Variants in SLC7A4 observed in about 807,000 individuals in gnomAD.
SLC7A4 encodes cationic amino acid transporter 4.
A neutral mutation model predicts 37.8 loss-of-function variants in SLC7A4; 30 were observed. The observed-to-expected ratio is 0.79, with a 90% CI of 0.59 to 1.08. The LOEUF is 1.08. SLC7A4 is among the 50% of genes least tolerant of loss of function. The pLI is 0.00. For missense variants in SLC7A4, 839 were observed against 843.2 expected (o/e 1.00, Z 0.06); for synonymous variants, 359 against 376.5 (o/e 0.95, Z 0.54).
chr22:21,030,368 G>C lies in SLC7A4; in HGVS notation c.983-17C>G, dbSNP rs1242504595. The C allele has an allele frequency of 6.3e-7, 1 of 1,583,862 alleles. No homozygotes were observed. Among genetic ancestry groups the C allele is most frequent in the South Asian group, 1.2e-5 (1 of 86,816 alleles). The stretch of plus-strand genomic sequence containing the variant: ...TGTTCATGGCTGTAGCAGAGAGAGT[G>C]GGGAGGGTCAGCATGGCGGAGAAGC... On this transcript the variant is annotated splice_polypyrimidine_tract_variant and intron_variant, in intron 2 of 4. Coordinates refer to ENST00000382932, the MANE Select transcript of SLC7A4 (RefSeq NM_004173.3).
At chr22:21,032,002 G>T (rs866488628) in intron 1 of SLC7A4, 150 bp from the exon 2 acceptor site, 2 of 478,136 alleles carry the variant, frequency 4.2e-6, no homozygotes, top group African/African-American at 2.0e-5. Context: ...AGCTGGAATG[G>T]GGCAGGTGTC....
rs750389725 is a variant in SLC7A4 at position 21,031,644 on chromosome 22, C to T, written c.169G>A (p.Val57Met). The part of the protein sequence containing the change: ...VGGMVGSGLY[V>M]LTGAVAKEVA... The stretch of plus-strand genomic sequence containing the variant: ...TCCTTGGCCACGGCACCTGTGAGCA[C>T]GTAGAGACCCGAGCCCACCATGCCA... Residue 57 changes from valine to methionine, a missense_variant, in exon 2 of 5, where the codon GTG (valine) becomes ATG (methionine). By Grantham distance (21) the Val-to-Met change is conservative. Transcript: ENST00000382932. 16 of 1,612,008 alleles carry T rather than the reference C, an allele frequency of 9.9e-6. No homozygotes were observed. The highest frequency in any genetic ancestry group is 2.2e-5 in the South Asian group (2 of 90,942).
intron 1 of SLC7A4, among the ~76,000 whole-genome samples, 166 bp from the exon 2 acceptor site, chr22:21,032,018 C>T (rs1928904429): frequency 6.6e-6 from 1 of 152,208 alleles, no homozygotes; most frequent in Non-Finnish European, 1.5e-5. Context: ...GTGTCAGAAC[C>T]TGTGGGCAGG....
Position 21,029,968 on chromosome 22 carries a change from C to T in SLC7A4, c.1366G>A (p.Gly456Arg). The T allele has an allele frequency of 6.2e-7, 1 of 1,613,890 alleles. No homozygotes were observed. Among genetic ancestry groups the T allele is most frequent in the Non-Finnish European group, 8.5e-7 (1 of 1,180,006 alleles). The part of the protein sequence containing the change: ...GTVHASVPEP[G>R]ELKPALRPYL... ...GGCCTCAGGGCTGGCTTCAGCTCCC[C>T]TGGCTCAGGGACGGAGGCGTGTACA... Residue 456 changes from glycine to arginine, a missense_variant, in exon 3 of 5, where the codon GGG becomes AGG. Gly to Arg is a moderately radical substitution (Grantham distance 125, BLOSUM62 -2). Coordinates refer to ENST00000382932, the MANE Select transcript of SLC7A4 (RefSeq NM_004173.3).
rs971536460 is a variant in SLC7A4 at position 21,029,222 on chromosome 22, C to G, written c.1741G>C (p.Val581Leu). The change falls in exon 5 of 5, where the codon GTG becomes CTG. Residue 581 changes from valine to leucine, a missense_variant. Val to Leu is a conservative substitution (Grantham distance 32). Coordinates refer to ENST00000382932, the MANE Select transcript of SLC7A4 (RefSeq NM_004173.3). ...TGCCGGATGCCATAGCCGAAATACACTGCAAGTCCTAGACAGGGCAGGAGG... is the reference window on the plus strand; with the variant it reads ...TGCCGGATGCCATAGCCGAAATACAGTGCAAGTCCTAGACAGGGCAGGAGG... ...FSIWLLMGLA[V>L]YFGYGIRHSK... 1.2e-6 allele frequency: 2 copies of G among 1,613,776 alleles called. No homozygotes were observed. Among genetic ancestry groups the G allele is most frequent in the African/African-American group, 2.7e-5 (2 of 75,072 alleles).
In SLC7A4 at chr22:21,031,649, A is replaced by C; in HGVS notation, c.164T>G (p.Leu55Arg). ...GGCCACGGCACCTGTGAGCACGTAG[A>C]GACCCGAGCCCACCATGCCACCCAC... ...LGVGGMVGSGLYVLTGAVAKE... is the reference protein window; with the variant it reads ...LGVGGMVGSGRYVLTGAVAKE... The change falls in exon 2 of 5, where the codon CTC becomes CGC. Residue 55 changes from leucine (L) to arginine (R), a missense_variant. Coordinates refer to ENST00000382932, the MANE Select transcript of SLC7A4 (RefSeq NM_004173.3). 2 of 1,612,712 alleles carry C rather than the reference A, an allele frequency of 1.2e-6. No individual in the cohort carries two copies. Among genetic ancestry groups the C allele is most frequent in the Non-Finnish European group, 1.7e-6 (2 of 1,179,460 alleles).
chr22:21,029,108 C>G lies in SLC7A4; in HGVS notation c.1855G>C (p.Ala619Pro). The G allele has an allele frequency of 6.2e-7, 1 of 1,613,106 alleles. No homozygotes were observed. The highest frequency in any genetic ancestry group is 8.5e-7 in the Non-Finnish European group (1 of 1,179,872). Residue 619 changes from alanine to proline, a missense_variant, in exon 5 of 5, where the codon GCT (alanine) becomes CCT (proline). Coordinates refer to ENST00000382932, the MANE Select transcript of SLC7A4 (RefSeq NM_004173.3). ...GGTGCCTGGCTGGGGGGCTGCATAG[C>G]CTGCACTGTCTCCTCCAGGCTGCCC... ...PRGSLEETVQ[A>P]MQPPSQAPAQ...
In SLC7A4 at chr22:21,029,855, G is replaced by A. The variant is rs758317941; in HGVS notation, c.1479C>T (p.Gly493=). 1 of 1,613,808 alleles carries A rather than the reference G, an allele frequency of 6.2e-7. No homozygotes were observed. Among genetic ancestry groups the A allele is most frequent in the Non-Finnish European group, 8.5e-7 (1 of 1,179,986 alleles). Residue 493 remains glycine (G), a synonymous_variant, in exon 3 of 5, where the codon GGC becomes GGT. Coordinates refer to ENST00000382932, the MANE Select transcript of SLC7A4 (RefSeq NM_004173.3). ...GVMLASAITI[G]CVLVFGNSTL... The stretch of plus-strand genomic sequence containing the variant: ...TCGAGTTCCCAAAGACAAGCACGCA[G>A]CCTATGGTGATGGCTGAGGCCAACA...
chr22:21,029,957 C>T lies in SLC7A4; in HGVS notation c.1377G>A (p.Lys459=). 2 of 1,613,950 alleles carry T rather than the reference C, an allele frequency of 1.2e-6. No homozygotes were observed. The highest frequency in any genetic ancestry group is 1.7e-6 in the Non-Finnish European group (2 of 1,180,010). ...AGCCCAGGTAGGGCCTCAGGGCTGG[C>T]TTCAGCTCCCCTGGCTCAGGGACGG... The part of the protein sequence containing the change: ...HASVPEPGEL[K]PALRPYLGFL... Residue 459 remains lysine (K), a synonymous_variant, in exon 3 of 5, where the codon AAG becomes AAA. Transcript: ENST00000382932.
At chr22:21,030,447 G>C in intron 2 of SLC7A4, 96 bp from the exon 3 acceptor site, 4 of 1,252,006 alleles carry the variant, frequency 3.2e-6, no homozygotes, top group Non-Finnish European at 4.4e-6. Context: ...TGGGAACAAG[G>C]GCATGAGCTT....
chr22:21,031,733 G>A lies in SLC7A4; in HGVS notation c.80C>T (p.Ser27Phe). ...KLNRLKPLED[S>F]TMETSLRRCL... ...GCGCCGCAGTGACGTCTCCATGGTG[G>A]AGTCCTCCAGCGGCTTCAGGCGGTT... is the stretch of plus-strand genomic sequence containing the variant. The change falls in exon 2 of 5, where the codon TCC becomes TTC. Residue 27 changes from serine (S) to phenylalanine (F), a missense_variant. Transcript: ENST00000382932. 6.2e-7 allele frequency: 1 copy of A among 1,606,382 alleles called. No individual in the cohort carries two copies. The highest frequency in any genetic ancestry group is 8.5e-7 in the Non-Finnish European group (1 of 1,176,372).
At position 21,030,199 on chromosome 22, in the gene SLC7A4, C is replaced by G. The variant is rs368299218; in HGVS notation, c.1135G>C (p.Ala379Pro). Residue 379 changes from alanine (A) to proline (P), a missense_variant, in exon 3 of 5, where the codon GCC becomes CCC. Physicochemically the swap from Ala to Pro is conservative, Grantham distance 27. Coordinates refer to ENST00000382932, the MANE Select transcript of SLC7A4 (RefSeq NM_004173.3). Reference protein sequence around the residue: ...AGTLAFGLLTAFLALLLDLES... With the variant: ...AGTLAFGLLTPFLALLLDLES... ...AGGTCCAGCAGCAGTGCCAGGAAGGCCGTGAGGAGCCCGAACGCCAGGGTG... is the reference window on the plus strand; with the variant it reads ...AGGTCCAGCAGCAGTGCCAGGAAGGGCGTGAGGAGCCCGAACGCCAGGGTG... 1.1e-5 allele frequency: 18 copies of G among 1,613,644 alleles called. No homozygotes were observed. Among genetic ancestry groups the G allele is most frequent in the Non-Finnish European group, 1.4e-5 (16 of 1,180,012 alleles).
chr22:21,029,866 T>C lies in SLC7A4; in HGVS notation c.1468A>G (p.Ile490Val), dbSNP rs780948491. Residue 490 changes from isoleucine to valine, a missense_variant, in exon 3 of 5, where the codon ATC becomes GTC. Physicochemically the swap from Ile to Val is conservative, Grantham distance 29 (BLOSUM62 3). Transcript: ENST00000382932. The stretch of plus-strand genomic sequence containing the variant: ...AAGACAAGCACGCAGCCTATGGTGA[T>C]GGCTGAGGCCAACATAACGCCAAGC... ...WALGVMLASAITIGCVLVFGN... is the reference protein window; with the variant it reads ...WALGVMLASAVTIGCVLVFGN... 6.8e-6 allele frequency: 11 copies of C among 1,613,712 alleles called. No homozygotes were observed. The East Asian group carries it at 2.5e-4, about 36-fold the overall frequency.
At chr22:21,032,044 T>C (rs1396571196) in intron 1 of SLC7A4, among the ~76,000 whole-genome samples, 192 bp from the exon 2 acceptor site, 1 of 152,146 alleles carries the variant, frequency 6.6e-6, no homozygotes, top group Non-Finnish European at 1.5e-5. Flanking sequence ...ACAGGAAGCC[T>C]GGAGGCCCTG....
In SLC7A4 at chr22:21,029,812, A is replaced by G. The variant is rs1446963934; in HGVS notation, c.1522T>C (p.Trp508Arg). The G allele has an allele frequency of 2.5e-6, 4 of 1,613,644 alleles. No individual in the cohort carries two copies. The African/African-American group carries it at 5.3e-5, about 22-fold the overall frequency. The change falls in exon 3 of 5, where the codon TGG (tryptophan) becomes CGG (arginine). Residue 508 changes from tryptophan to arginine, a missense_variant. Trp to Arg is a moderately radical substitution (Grantham distance 101). Transcript: ENST00000382932. ...FGNSTLHLPHWGYILLLLLTS... is the reference protein window; with the variant it reads ...FGNSTLHLPHRGYILLLLLTS... ...AGCAGGAGCAGCAGGATGTAACCCC[A>G]GTGTGGGAGGTGCAGGGTCGAGTTC...
rs772401499 is a variant in SLC7A4, at chr22:21,030,080, G to A, written c.1254C>T (p.Ser418=). Residue 418 remains serine, a synonymous_variant, in exon 3 of 5, where the codon TCC becomes TCT. Coordinates refer to ENST00000382932, the MANE Select transcript of SLC7A4 (RefSeq NM_004173.3). The part of the protein sequence containing the change: ...SIIVLRFQKS[S]PPSSPGPASP... ...TGGCTGGGCCTGGGGAGCTGGGCGG[G>A]GAAGACTTCTGGAAGCGCAGCACAA... 6.8e-6 allele frequency: 11 copies of A among 1,612,236 alleles called. No individual in the cohort carries two copies. The highest frequency in any genetic ancestry group is 6.7e-5 in the Admixed American group (4 of 59,620).
Position 21,031,085 on chromosome 22 carries a change from G to A in SLC7A4, c.728C>T (p.Ser243Phe). 1 of 1,614,128 alleles carries A rather than the reference G, an allele frequency of 6.2e-7. No individual in the cohort carries two copies. Among genetic ancestry groups the A allele is most frequent in the Non-Finnish European group, 8.5e-7 (1 of 1,180,046 alleles). ...GFSGVMAGTASCFYAFVGFDV... is the reference protein window; with the variant it reads ...GFSGVMAGTAFCFYAFVGFDV... ...GAAGCCCACGAAAGCATAGAAGCAG[G>A]AGGCAGTGCCGGCCATGACGCCGGA... is the stretch of plus-strand genomic sequence containing the variant. The change falls in exon 2 of 5, where the codon TCC becomes TTC. Residue 243 changes from serine to phenylalanine, a missense_variant. Physicochemically the swap from Ser to Phe is radical, Grantham distance 155 (BLOSUM62 -2). Transcript: ENST00000382932.
chr22:21,029,047 C>A lies in SLC7A4; in HGVS notation c.*8G>T. 6.3e-7 allele frequency: 1 copy of A among 1,597,758 alleles called. No homozygotes were observed. Reference sequence around the variant, plus strand: ...TGTGGGAGGGCGGGGCAAGTGTGGGCTGATCAGCTACTCCATATGGCCAGG... The same window carrying A: ...TGTGGGAGGGCGGGGCAAGTGTGGGATGATCAGCTACTCCATATGGCCAGG... On this transcript the variant is annotated 3_prime_UTR_variant, in exon 5 of 5. Transcript: ENST00000382932.
At position 21,031,435 on chromosome 22, in the gene SLC7A4, G is replaced by A; in HGVS notation, c.378C>T (p.Tyr126=). ...FLIGWNVLLE[Y]IIGGAAVARA... is the part of the protein sequence containing the mutation. The stretch of plus-strand genomic sequence containing the variant: ...GGGCCACGGCGGCGCCACCGATGAT[G>A]TATTCGAGGAGAACATTCCAGCCGA... Residue 126 remains tyrosine (Y), a synonymous_variant, in exon 2 of 5, where the codon TAC becomes TAT. Transcript: ENST00000382932. 2.5e-6 allele frequency: 4 copies of A among 1,601,240 alleles called. No individual in the cohort carries two copies. The highest frequency in any genetic ancestry group is 3.4e-6 in the Non-Finnish European group (4 of 1,173,998).
Sources: gnomAD v4.1 joint callset for allele counts (sites outside exome capture counted in the v4.1 genomes callset) on GRCh38, gnomAD v4.1.1 for gene constraint, MANE v1.5 for transcripts, NCBI Gene and HGNC (gene_info 2026-07-23, HGNC 2026-07-21) for gene names.